CLYBL: variants seen among roughly 807,000 people sequenced by gnomAD.
CLYBL encodes the protein citramalyl-CoA lyase, also known as citramalyl-CoA lyase, mitochondrial.
Under a neutral mutation model 38.9 loss-of-function variants are expected in CLYBL, and 31 were observed. That is an observed-to-expected ratio of 0.80 (90% CI 0.60 to 1.08). CLYBL has a LOEUF of 1.08. Among genes scored for constraint, CLYBL ranks in the 50% least tolerant of loss-of-function variants. The pLI, the probability that CLYBL is intolerant of heterozygous loss-of-function variation, is 0.00. For missense variants in CLYBL, 434 were observed against 411.6 expected (o/e 1.05, Z -0.47); for synonymous variants, 171 against 158.6 (o/e 1.08, Z -0.59).
intron 1 of CLYBL, among the ~76,000 whole-genome samples, chr13:99,769,030 A>C (rs562920848): frequency 1.3e-5 from 2 of 152,278 alleles, no homozygotes; most frequent in South Asian, 2.1e-4. Flanking sequence ...GACATACAAT[A>C]ACAGTGGCTC....
intron 1 of CLYBL, among the ~76,000 whole-genome samples, chr13:99,609,500 C>T (rs2046592975): frequency 6.6e-6 from 1 of 151,986 alleles, no homozygotes. Context: ...TTGCTGATTG[C>T]TCCGTCTTCC....
At chr13:99,796,059 T>C (rs896268689) in intron 2 of CLYBL, among the ~76,000 whole-genome samples, 5 of 152,082 alleles carry the variant, frequency 3.3e-5, no homozygotes, top group African/African-American at 1.2e-4. Flanking sequence ...TTCCACATAG[T>C]CAGAGCAAAG....
At chr13:99,611,874 A>G (rs1301988796) in intron 1 of CLYBL, among the ~76,000 whole-genome samples, 1 of 152,224 alleles carries the variant, frequency 6.6e-6, no homozygotes, top group Non-Finnish European at 1.5e-5. Context: ...AAGTTGTCAC[A>G]TTCACGTGCC....
At chr13:99,845,884 T>C (rs1164452327) in intron 2 of CLYBL, among the ~76,000 whole-genome samples, 1 of 152,128 alleles carries the variant, frequency 6.6e-6, no homozygotes, top group African/African-American at 2.4e-5. Flanking sequence ...ATATTTTTCT[T>C]TTCCTTGTTG....
intron 2 of CLYBL, among the ~76,000 whole-genome samples, chr13:99,815,239 T>TG (rs1337704922): frequency 1.3e-5 from 2 of 152,128 alleles, no homozygotes; most frequent in Non-Finnish European, 2.9e-5. Context: ...GCTAAAACCT[T>TG]GCGTGCTGCA....
intron 1 of CLYBL, among the ~76,000 whole-genome samples, chr13:99,687,366 C>G (rs2047833634): frequency 6.6e-6 from 1 of 152,154 alleles, no homozygotes; most frequent in Admixed American, 6.6e-5. Context: ...ACCCATGGGC[C>G]AGGCATGCCT....
chr13:99,792,957 C>G (rs1318839860), intron 2 of CLYBL, among the ~76,000 whole-genome samples: 1 of 151,738 alleles, frequency 6.6e-6, no homozygotes, highest in Non-Finnish European at 1.5e-5. Context: ...ATGGAGGGTC[C>G]TTTCCACCTG....
At chr13:99,840,772 AAAAAAAAAG>A (rs1271599523) in intron 2 of CLYBL, among the ~76,000 whole-genome samples, 5 of 147,032 alleles carry the variant, frequency 3.4e-5, no homozygotes, top group African/African-American at 1.0e-4. Flanking sequence ...AAAAAAAAAA[AAAAAAAAAG>A]GGTTACATAT....
intron 2 of CLYBL, among the ~76,000 whole-genome samples, chr13:99,795,647 C>T (rs1194421025): frequency 2.0e-5 from 3 of 152,112 alleles, no homozygotes; most frequent in Non-Finnish European, 4.4e-5. Context: ...GAGTGAGAAC[C>T]TGTCTCAAAA....
intron 7 of CLYBL, among the ~76,000 whole-genome samples, chr13:99,882,858 C>T (rs1251163186): frequency 1.3e-5 from 2 of 151,828 alleles, no homozygotes; most frequent in East Asian, 3.9e-4. Context: ...ATTTCCTCCT[C>T]AAGGAAACTG....
chr13:99,723,147 C>G (rs962588472), intron 1 of CLYBL, among the ~76,000 whole-genome samples: 1 of 152,162 alleles, frequency 6.6e-6, no homozygotes, highest in Non-Finnish European at 1.5e-5. Flanking sequence ...GGAATAAGGC[C>G]CAGGAGCTGG....
At chr13:99,691,512 G>A (rs776313315) in intron 1 of CLYBL, among the ~76,000 whole-genome samples, 2 of 151,790 alleles carry the variant, frequency 1.3e-5, no homozygotes, top group Non-Finnish European at 2.9e-5. Context: ...AATGGGACCC[G>A]AAAGACATTC....
At chr13:99,618,947 C>T (rs2046754113) in intron 1 of CLYBL, among the ~76,000 whole-genome samples, 1 of 152,190 alleles carries the variant, frequency 6.6e-6, no homozygotes, top group African/African-American at 2.4e-5. Context: ...ATTTATCCAT[C>T]CATCTGTTGA....
intron 7 of CLYBL, chr13:99,885,228 G>A (rs185514417): frequency 2.0e-4 from 77 of 381,086 alleles, no homozygotes; most frequent in African/African-American, 1.6e-3. Context: ...GGAAAGGGTG[G>A]AGAGGGATTT....
At chr13:99,621,242 C>T (rs2046791726) in intron 1 of CLYBL, among the ~76,000 whole-genome samples, 1 of 152,160 alleles carries the variant, frequency 6.6e-6, no homozygotes. Flanking sequence ...CCGCTAAAGT[C>T]CAGGCCCCTT....
chr13:99,647,083 G>A (rs922774491), intron 1 of CLYBL, among the ~76,000 whole-genome samples: 10 of 152,166 alleles, frequency 6.6e-5, no homozygotes, highest in Admixed American at 5.2e-4. Context: ...CATCCATGGT[G>A]CTCATGGGCC....
intron 1 of CLYBL, among the ~76,000 whole-genome samples, chr13:99,750,673 CAA>C (rs374904118): frequency 3.4e-4 from 29 of 86,044 alleles, no homozygotes; most frequent in Middle Eastern, 6.7e-3. Context: ...GACTCTGCCT[CAA>C]AAAAAAAAAA....
intron 1 of CLYBL, among the ~76,000 whole-genome samples, chr13:99,683,870 A>C (rs905778724): frequency 6.7e-6 from 1 of 149,734 alleles, no homozygotes; most frequent in Non-Finnish European, 1.5e-5. Flanking sequence ...TATATATATA[A>C]AATTTTTTTT....
intron 2 of CLYBL, among the ~76,000 whole-genome samples, chr13:99,804,707 A>AT (rs1750683594): frequency 6.6e-6 from 1 of 152,216 alleles, no homozygotes; most frequent in Admixed American, 6.5e-5. Flanking sequence ...AGTTGTTAAT[A>AT]TATCACCTGT....
Sources: allele counts gnomAD v4.1 joint callset (sites outside exome capture counted in the v4.1 genomes callset), GRCh38; gene constraint gnomAD v4.1.1; transcripts MANE v1.5; gene names NCBI Gene and HGNC (gene_info 2026-07-23, HGNC 2026-07-21).